Variants in PLAC8 observed in about 807,000 individuals in gnomAD.
PLAC8 encodes the protein placenta associated 8.
PLAC8 carries 6 observed loss-of-function variants against 12.6 expected under a neutral mutation model. The ratio of observed to expected loss-of-function variants is 0.48; its 90% CI spans 0.26 to 0.94. PLAC8 has a LOEUF of 0.94. PLAC8 is among the 40% of genes least tolerant of loss of function. The pLI is 0.14. For synonymous variants in PLAC8, 54 were observed against 52.6 expected (o/e 1.03, Z -0.11); for missense variants, 122 against 152.7 (o/e 0.80, Z 1.06).
chr4:83,090,347 G>A lies in PLAC8; in HGVS notation c.*634C>T, dbSNP rs1378218297. ...GTTCGAGACCAGCCTGACCAAGATG[G>A]TGAAACCCCGTCTCTACTAAAAATA... On this transcript the variant is annotated 3_prime_UTR_variant, in exon 5 of 5. Transcript: ENST00000311507. The A allele has an allele frequency of 1.3e-5, 2 of 151,878 alleles. No homozygotes were observed. The highest frequency in any genetic ancestry group is 2.9e-5 in the Non-Finnish European group (2 of 68,026). The allele number at this position is 151,878 out of a possible 1,614,324, so 9.4% of individuals were successfully genotyped here. A position where few individuals can be genotyped will look rare whatever the true frequency, so the allele number is the denominator to read the frequency against.
chr4:83,104,327 G>GTA (rs540113598), intron 3 of PLAC8, among the ~76,000 whole-genome samples: 70 of 151,242 alleles, frequency 4.6e-4, no homozygotes, highest in Admixed American at 6.6e-4. Flanking sequence ...AGGTTTGCCT[G>GTA]TATATATATA....
At chr4:83,107,471 T>C (rs889137436) in intron 2 of PLAC8, among the ~76,000 whole-genome samples, 2 of 151,966 alleles carry the variant, frequency 1.3e-5, no homozygotes, top group African/African-American at 2.4e-5. Flanking sequence ...TTGGAATTTT[T>C]AAATTAATGT....
intron 3 of PLAC8, among the ~76,000 whole-genome samples, chr4:83,102,704 A>G (rs1395899796): frequency 6.6e-6 from 1 of 152,256 alleles, no homozygotes; most frequent in Admixed American, 6.5e-5. Context: ...CAAGAGAACT[A>G]GAATTAGAAA....
At chr4:83,106,161 G>A (rs189080864) in intron 2 of PLAC8, among the ~76,000 whole-genome samples, 29 of 151,838 alleles carry the variant, frequency 1.9e-4, no homozygotes, top group African/African-American at 6.5e-4. Flanking sequence ...CACCATGCCC[G>A]GTTAATTTTT....
Position 83,096,766 on chromosome 4 carries a change from A to G in PLAC8, c.244-1975T>C, listed in dbSNP as rs369638141. 5.4e-4 allele frequency among the ~76,000 whole-genome samples: 82 copies of G among 152,326 alleles called. 2 individuals carry two copies. In the East Asian group the frequency reaches 0.012, roughly 22 times the overall value. On this transcript the variant is annotated intron_variant, in intron 3 of 4. Coordinates refer to ENST00000311507, the MANE Select transcript of PLAC8 (RefSeq NM_016619.3). ...ACTTATTTTTCCTACTTGATATATG[A>G]TAGCCAATACTGTAAGAAATTTCTA...
chr4:83,104,390 C>T (rs764712429), intron 3 of PLAC8, among the ~76,000 whole-genome samples: 1 of 152,144 alleles, frequency 6.6e-6, no homozygotes, highest in Non-Finnish European at 1.5e-5. Flanking sequence ...GTTTCTAATG[C>T]ACTTAGGAGG....
intron 3 of PLAC8, among the ~76,000 whole-genome samples, chr4:83,102,249 T>G (rs1039458349): frequency 1.3e-5 from 2 of 152,172 alleles, no homozygotes; most frequent in African/African-American, 4.8e-5. Flanking sequence ...TCATGATTCC[T>G]GGCCAGGTGT....
rs200516659 is a variant in PLAC8, at chr4:83,107,965, T to C, written c.-29-15A>G. The C allele has an allele frequency of 6.5e-6, 3 of 458,766 alleles. No homozygotes were observed. In the East Asian group the frequency reaches 4.2e-4, roughly 65 times the overall value. The allele number at this position is 458,766 out of a possible 1,614,324, so 28.4% of individuals were successfully genotyped here. A position where few individuals can be genotyped will look rare whatever the true frequency, so the allele number is the denominator to read the frequency against. ...AAAGCAGTGGACTGAAAAGGCAGAG[T>C]GGTGTTAGAAATCTCTGTTGTGGGG... On this transcript the variant is annotated splice_polypyrimidine_tract_variant and intron_variant, in intron 1 of 4. Transcript: ENST00000311507.
At position 83,107,388 on chromosome 4, in the gene PLAC8, CAATGTAACTATA is replaced by C. The variant is rs796596901; in HGVS notation, c.118+404_118+415del. On this transcript the variant is annotated intron_variant, in intron 2 of 4. Coordinates refer to ENST00000311507, the MANE Select transcript of PLAC8 (RefSeq NM_016619.3). ...GAATCTAACCCTTGGGTACTGGACA[CAATGTAACTATA>C]AATTAATGAGGTTAATTTATATGTT... 1.4e-4 allele frequency among the ~76,000 whole-genome samples: 21 copies of C among 151,904 alleles called. 1 individual carries two copies. The highest frequency in any genetic ancestry group is 5.1e-4 in the African/African-American group (21 of 41,472).
intron 2 of PLAC8, 36 bp from the exon 3 acceptor site, chr4:83,105,056 C>G (rs1365032440): frequency 6.2e-7 from 1 of 1,613,122 alleles, no homozygotes. Flanking sequence ...TATTACTCCA[C>G]TCTGCCCCTG....
chr4:83,107,623 T>G (rs1341591458), intron 2 of PLAC8, among the ~76,000 whole-genome samples, 181 bp downstream of exon 2: 1 of 91,622 alleles, frequency 1.1e-5, no homozygotes, highest in African/African-American at 7.3e-5. Flanking sequence ...ACGGAGGCTT[T>G]TTTTTTTTTT....
chr4:83,112,851 T>C (rs1732456307), intron 1 of PLAC8, among the ~76,000 whole-genome samples: 1 of 152,218 alleles, frequency 6.6e-6, no homozygotes, highest in Admixed American at 6.5e-5. Flanking sequence ...GTCTTTAGCC[T>C]TAGCCATTCA....
chr4:83,102,417 T>C (rs1239115690), intron 3 of PLAC8, among the ~76,000 whole-genome samples: 1 of 152,148 alleles, frequency 6.6e-6, no homozygotes, highest in Non-Finnish European at 1.5e-5. Flanking sequence ...TGCACATCTA[T>C]AGCCCCAGGT....
At chr4:83,114,116 ATC>A (rs1213891964) in intron 1 of PLAC8, among the ~76,000 whole-genome samples, 1 of 151,924 alleles carries the variant, frequency 6.6e-6, no homozygotes, top group Non-Finnish European at 1.5e-5. Context: ...TAATCTCTCC[ATC>A]TCTCTTTATA....
Position 83,094,740 on chromosome 4 carries a change from G to C in PLAC8, c.295C>G (p.Leu99Val), listed in dbSNP as rs1269672228. 6.2e-7 allele frequency: 1 copy of C among 1,606,230 alleles called. No individual in the cohort carries two copies. Among genetic ancestry groups the C allele is most frequent in the Non-Finnish European group, 8.5e-7 (1 of 1,177,886 alleles). Residue 99 changes from leucine (L) to valine (V), a missense_variant, in exon 4 of 5, where the codon CTT (leucine) becomes GTT (valine). Physicochemically the swap from Leu to Val is conservative, Grantham distance 32. Coordinates refer to ENST00000311507, the MANE Select transcript of PLAC8 (RefSeq NM_016619.3). ...MATLCCPHCT[L>V]CQIKRDINRR... Reference sequence around the variant, plus strand: ...TTGATATCTCTCTTGATTTGGCAAAGAGTACAATGAGGACAGCAAAGAGTT... The same window carrying C: ...TTGATATCTCTCTTGATTTGGCAAACAGTACAATGAGGACAGCAAAGAGTT...
intron 3 of PLAC8, among the ~76,000 whole-genome samples, chr4:83,103,596 T>C (rs1371051179): frequency 2.0e-5 from 3 of 152,222 alleles, no homozygotes; most frequent in East Asian, 1.9e-4. Flanking sequence ...CCAAATAGCA[T>C]AGAAATCTTT....
chr4:83,099,059 G>C (rs140816785), intron 3 of PLAC8, among the ~76,000 whole-genome samples: 386 of 152,022 alleles, frequency 2.5e-3, no homozygotes, highest in African/African-American at 8.9e-3. Context: ...ATATGACTTA[G>C]TATATGTTAA....
Position 83,107,933 on chromosome 4 carries a change from G to A in PLAC8, c.-12C>T. ...GCCTGAGCTTGCATTTTCAGTGCAG[G>A]GCCTTAAAAGCAGTGGACTGAAAAG... is the stretch of plus-strand genomic sequence containing the variant. On this transcript the variant is annotated 5_prime_UTR_variant, in exon 2 of 5. Coordinates refer to ENST00000311507, the MANE Select transcript of PLAC8 (RefSeq NM_016619.3). 1 of 1,436,862 alleles carries A rather than the reference G, an allele frequency of 7.0e-7. No homozygotes were observed. Among genetic ancestry groups the A allele is most frequent in the Non-Finnish European group, 9.4e-7 (1 of 1,064,304 alleles). 89.0% of individuals were successfully genotyped at this position (1,436,862 alleles called of 1,614,324 possible). A position where few individuals can be genotyped will look rare whatever the true frequency, so the allele number is the denominator to read the frequency against.
intron 3 of PLAC8, among the ~76,000 whole-genome samples, chr4:83,102,588 A>G (rs1308436337): frequency 6.6e-6 from 1 of 152,140 alleles, no homozygotes; most frequent in African/African-American, 2.4e-5. Flanking sequence ...AGATCAAAAT[A>G]TCAACAGTAA....
Sources: gnomAD v4.1 joint callset for allele counts (sites outside exome capture counted in the v4.1 genomes callset) on GRCh38, gnomAD v4.1.1 for gene constraint, MANE v1.5 for transcripts, NCBI Gene and HGNC (gene_info 2026-07-23, HGNC 2026-07-21) for gene names.